The following TXNRD1 variants were observed in gnomAD, a reference collection of about 807,000 sequenced individuals.
TXNRD1 encodes the protein thioredoxin reductase 1, cytoplasmic.
In TXNRD1, 57 loss-of-function variants were observed where a neutral mutation model predicts 80.3. The observed-to-expected ratio is 0.71, with a 90% CI of 0.57 to 0.89. The LOEUF (loss-of-function observed/expected upper bound fraction) is 0.89, where lower values mean the gene tolerates loss of function less well. Ranked by LOEUF, TXNRD1 falls within the 40% of genes least tolerant of loss-of-function variation. The pLI is 0.00. For missense variants in TXNRD1, 730 were observed against 803.0 expected (o/e 0.91, Z 1.10); for synonymous variants, 291 against 285.2 (o/e 1.02, Z -0.20).
intron 4 of TXNRD1, chr12:104,303,784 T>C (rs1481835777): frequency 7.8e-7 from 1 of 1,277,552 alleles, no homozygotes; most frequent in Non-Finnish European, 1.0e-6. Flanking sequence ...TTCCACACGC[T>C]GGGAGGGCCG....
Position 104,304,007 on chromosome 12 carries a change from C to T in TXNRD1, c.415-7283C>T, listed in dbSNP as rs201067698. 3.3e-4 allele frequency: 533 copies of T among 1,611,176 alleles called. 2 individuals carry two copies. Among genetic ancestry groups the T allele is most frequent in the Middle Eastern group, 1.7e-4 (1 of 5,934 alleles). The stretch of plus-strand genomic sequence containing the variant: ...CAGCTCTGGGGAGGCCGACGTAGAC[C>T]CAAAGCTCCTGGAGCTCACCGCTGA... On this transcript the variant is annotated intron_variant, in intron 4 of 16. Transcript: ENST00000525566.
chr12:104,347,347 C>T (rs1384863687), intron 16 of TXNRD1, among the ~76,000 whole-genome samples: 1 of 152,168 alleles, frequency 6.6e-6, no homozygotes, highest in East Asian at 1.9e-4. Flanking sequence ...TTGTTCCTCC[C>T]TTACACAAAA....
intron 15 of TXNRD1, among the ~76,000 whole-genome samples, chr12:104,338,246 C>A (rs2036205642): frequency 6.6e-6 from 1 of 151,906 alleles, no homozygotes; most frequent in African/African-American, 2.4e-5. Flanking sequence ...TTGTAGGCAT[C>A]TTTGCCTTTT....
chr12:104,302,623 G>A (rs2034682112), intron 4 of TXNRD1, among the ~76,000 whole-genome samples: 1 of 151,108 alleles, frequency 6.6e-6, no homozygotes, highest in Admixed American at 6.6e-5. Context: ...CCGAGTAGCT[G>A]GGACTATAGG....
chr12:104,219,376 A>G (rs2032295561), intron 1 of TXNRD1, among the ~76,000 whole-genome samples: 1 of 152,252 alleles, frequency 6.6e-6, no homozygotes. Context: ...TAATTTCTTA[A>G]TGATGCAGAA....
At position 104,215,831 on chromosome 12, in the gene TXNRD1, C is replaced by T. The variant is rs1371891861; in HGVS notation, c.29C>T (p.Ala10Val). ...GGCTGCGCCGAGGGCAAGGCAGTGG[C>T]GGCGGCCGCCCCAACGGAGCTGCAG... The part of the protein sequence containing the change: MGCAEGKAV[A>V]AAAPTELQTK... Residue 10 changes from alanine (A) to valine (V), a missense_variant, in exon 1 of 17, where the codon GCG (alanine) becomes GTG (valine). Transcript: ENST00000525566. 2 of 1,562,678 alleles carry T rather than the reference C, an allele frequency of 1.3e-6. No individual in the cohort carries two copies. The highest frequency in any genetic ancestry group is 1.7e-6 in the Non-Finnish European group (2 of 1,154,594).
At chr12:104,345,530 A>G in intron 16 of TXNRD1, among the ~76,000 whole-genome samples, 1 of 152,236 alleles carries the variant, frequency 6.6e-6, no homozygotes, top group South Asian at 2.1e-4. Context: ...AGGGATTCTC[A>G]GCGCCTGGGG....
In TXNRD1 at chr12:104,304,771, G is replaced by C. The variant is rs1431217904; in HGVS notation, c.415-6519G>C. 3.7e-6 allele frequency: 6 copies of C among 1,613,824 alleles called. No individual in the cohort carries two copies. In the African/African-American group the frequency reaches 5.3e-5, roughly 14 times the overall value. On this transcript the variant is annotated intron_variant, in intron 4 of 16. Coordinates refer to ENST00000525566, the MANE Select transcript of TXNRD1 (RefSeq NM_001093771.3). ...CAAGAATAAGGCTTGATGAAGACAG[G>C]CTGCCAATATTAGAGCCGATGAATG...
At chr12:104,284,487 A>G (rs1392435598) in intron 3 of TXNRD1, 1 of 152,176 alleles carries the variant, frequency 6.6e-6, no homozygotes, top group Non-Finnish European at 1.5e-5. Context: ...AAGGCTTATT[A>G]TAGGTAGAAC....
intron 2 of TXNRD1, among the ~76,000 whole-genome samples, chr12:104,254,630 G>GAAAAAA (rs760022093): frequency 1.1e-3 from 19 of 17,296 alleles, no homozygotes; most frequent in African/African-American, 2.4e-3. Flanking sequence ...TATGTCTATG[G>GAAAAAA]AAAAAAAAAA....
chr12:104,328,694 G>A (rs191870969), intron 13 of TXNRD1, among the ~76,000 whole-genome samples: 1 of 149,170 alleles, frequency 6.7e-6, no homozygotes, highest in African/African-American at 2.5e-5. Flanking sequence ...GGGAGGCGGA[G>A]CTTGCCGTGA....
chr12:104,311,444 G>T, intron 5 of TXNRD1, 32 bp downstream of exon 5: 2 of 1,605,540 alleles, frequency 1.2e-6, no homozygotes, highest in Non-Finnish European at 1.7e-6. Flanking sequence ...GTTGTCTGTT[G>T]TCTGGGTGGT....
chr12:104,303,172 G>T (rs986272060), intron 4 of TXNRD1, among the ~76,000 whole-genome samples: 1 of 152,164 alleles, frequency 6.6e-6, no homozygotes, highest in East Asian at 1.9e-4. Context: ...GGGTTAGCAC[G>T]GATATTGGAG....
At chr12:104,316,707 A>C (rs893771965) in intron 7 of TXNRD1, among the ~76,000 whole-genome samples, 5 of 152,162 alleles carry the variant, frequency 3.3e-5, no homozygotes, top group African/African-American at 1.2e-4. Flanking sequence ...AATTTTAGAA[A>C]GTAGATTGCA....
intron 12 of TXNRD1, among the ~76,000 whole-genome samples, chr12:104,326,810 T>C (rs1009329310): frequency 1.3e-5 from 2 of 151,590 alleles, no homozygotes; most frequent in Non-Finnish European, 2.9e-5. Context: ...ACAGCATTGG[T>C]CAATTATAGA....
At chr12:104,289,222 A>C in intron 4 of TXNRD1, 182 bp downstream of exon 4, 1 of 534,338 alleles carries the variant, frequency 1.9e-6, no homozygotes, top group Admixed American at 3.5e-5. Context: ...GACGTTGGAC[A>C]AATTTCACAT....
chr12:104,247,605 CCTAT>C (rs1026975878), intron 1 of TXNRD1, among the ~76,000 whole-genome samples: 4 of 152,024 alleles, frequency 2.6e-5, no homozygotes, highest in African/African-American at 7.3e-5. Context: ...GATTTATTTA[CCTAT>C]CTATTTATCT....
At chr12:104,339,320 C>T (rs766359084) in intron 16 of TXNRD1, 47 bp downstream of exon 16, 65 of 1,610,408 alleles carry the variant, frequency 4.0e-5, no homozygotes, top group Non-Finnish European at 5.4e-5. Context: ...AAATGTGCCA[C>T]ATAGAAGCAC....
intron 10 of TXNRD1, among the ~76,000 whole-genome samples, chr12:104,324,894 T>A (rs1326493539): frequency 6.6e-6 from 1 of 152,214 alleles, no homozygotes; most frequent in Non-Finnish European, 1.5e-5. Context: ...TGTAATGTAA[T>A]CTATCCTTTG....
Sources: gnomAD v4.1 joint callset for allele counts (sites outside exome capture counted in the v4.1 genomes callset) on GRCh38, gnomAD v4.1.1 for gene constraint, MANE v1.5 for transcripts, NCBI Gene and HGNC (gene_info 2026-07-23, HGNC 2026-07-21) for gene names.